SLC11A2: variants seen among roughly 807,000 people sequenced by gnomAD.
SLC11A2 encodes solute carrier family 11 member 2, also known as natural resistance-associated macrophage protein 2.
Under a neutral mutation model 68.0 loss-of-function variants are expected in SLC11A2, and 38 were observed. The observed-to-expected ratio is 0.56, with a 90% CI of 0.43 to 0.73. The LOEUF is 0.73. SLC11A2 is among the 30% of genes least tolerant of loss of function. The pLI is 0.00. For synonymous variants in SLC11A2, 242 were observed against 250.6 expected, an observed-to-expected ratio of 0.97 and a Z score of 0.32; for missense variants, 517 against 690.5, an observed-to-expected ratio of 0.75 and a Z score of 2.82.
At chr12:51,020,104 A>G (rs548541563) in intron 1 of SLC11A2, among the ~76,000 whole-genome samples, 19 of 151,710 alleles carry the variant, frequency 1.3e-4, no homozygotes, top group South Asian at 2.1e-4. Flanking sequence ...AATTATTTAC[A>G]TATTTCTAGC....
chr12:50,962,423 G>A, the SLC11A2 span, among the ~76,000 whole-genome samples: 1 of 151,348 alleles, frequency 6.6e-6, no homozygotes, highest in African/African-American at 2.4e-5. Flanking sequence ...AAAAAAGCCA[G>A]GCACGGTGGC....
intron 1 of SLC11A2, among the ~76,000 whole-genome samples, chr12:51,022,737 T>C (rs224572): frequency 0.45 from 68,975 of 152,052 alleles, 16,963 homozygotes; most frequent in Non-Finnish European, 0.56. Context: ...TTCTGCTCTT[T>C]GAAACCTGGT....
chr12:50,965,371 C>A, the SLC11A2 span, among the ~76,000 whole-genome samples: 1 of 151,748 alleles, frequency 6.6e-6, no homozygotes, highest in South Asian at 2.1e-4. Flanking sequence ...AATCCTCCCA[C>A]CTCAGCCTCC....
At chr12:50,999,882 C>G (rs1452693550) in intron 6 of SLC11A2, among the ~76,000 whole-genome samples, 1 of 152,030 alleles carries the variant, frequency 6.6e-6, no homozygotes, top group African/African-American at 2.4e-5. Flanking sequence ...GTGGCAGGTG[C>G]CTGTAATCCC....
At chr12:51,008,741 G>A in intron 2 of SLC11A2, 117 bp from the exon 3 acceptor site, 2 of 752,524 alleles carry the variant, frequency 2.7e-6, no homozygotes, top group South Asian at 1.5e-5. Flanking sequence ...AGACCAACCT[G>A]ACTCTAGCTC....
downstream of SLC11A2, chr12:50,985,966 G>T (rs1447912073): frequency 4.8e-5 from 55 of 1,140,836 alleles, no homozygotes; most frequent in Non-Finnish European, 5.9e-5. Context: ...TTATTTCAAG[G>T]TTAAAAAAAT....
At chr12:50,964,063 C>T in the SLC11A2 span, among the ~76,000 whole-genome samples, 1 of 152,108 alleles carries the variant, frequency 6.6e-6, no homozygotes, top group Non-Finnish European at 1.5e-5. Context: ...CTTTGATATC[C>T]TATGACTTAA....
intron 11 of SLC11A2, among the ~76,000 whole-genome samples, chr12:50,994,005 A>G (rs1941453561): frequency 6.6e-6 from 1 of 150,532 alleles, no homozygotes; most frequent in African/African-American, 2.4e-5. Context: ...AAAAAAAAAA[A>G]AAAAAAAAAA....
downstream of SLC11A2, chr12:50,979,935 T>C (rs1337374892): frequency 4.4e-6 from 2 of 453,972 alleles, no homozygotes; most frequent in Non-Finnish European, 8.8e-6. Flanking sequence ...TAGAAAGAAA[T>C]GAGGAGTGAG....
intron 1 of SLC11A2, among the ~76,000 whole-genome samples, chr12:51,015,938 C>A (rs544102500): frequency 2.0e-5 from 3 of 152,296 alleles, no homozygotes; most frequent in East Asian, 3.9e-4. Flanking sequence ...GCGCATGCCA[C>A]CATGCCCGGC....
chr12:50,976,083 T>C (rs993367255), downstream of SLC11A2, among the ~76,000 whole-genome samples: 9 of 152,178 alleles, frequency 5.9e-5, no homozygotes, highest in Non-Finnish European at 4.4e-5. Context: ...GCTGGTACCA[T>C]TCCTTCTGAA....
At chr12:51,022,126 T>C (rs1288084016) in intron 1 of SLC11A2, among the ~76,000 whole-genome samples, 2 of 152,196 alleles carry the variant, frequency 1.3e-5, no homozygotes, top group Non-Finnish European at 2.9e-5. Flanking sequence ...CTGTGTGAGC[T>C]TCCTCTAAAC....
At chr12:50,968,714 G>A in the SLC11A2 span, among the ~76,000 whole-genome samples, 1 of 151,876 alleles carries the variant, frequency 6.6e-6, no homozygotes, top group Non-Finnish European at 1.5e-5. Context: ...GCTAATTTTT[G>A]TATTTTTAGT....
Position 50,994,135 on chromosome 12 carries a change from G to A in SLC11A2, c.1077+409C>T, listed in dbSNP as rs552519486. 2.0e-5 allele frequency among the ~76,000 whole-genome samples: 3 copies of A among 151,858 alleles called. No individual in the cohort carries two copies. In the South Asian group the frequency reaches 6.3e-4, roughly 32 times the overall value. ...GGCTCACTGCAACCTCTGCCTTCCA[G>A]GTTCAAGCGATTCTCGTGTCTCAGC... On this transcript the variant is annotated intron_variant, in intron 11 of 15. Coordinates refer to ENST00000262052, the MANE Select transcript of SLC11A2 (RefSeq NM_000617.3).
At chr12:50,964,280 A>G in the SLC11A2 span, among the ~76,000 whole-genome samples, 1 of 152,208 alleles carries the variant, frequency 6.6e-6, no homozygotes, top group African/African-American at 2.4e-5. Flanking sequence ...CATCCACTAC[A>G]CATTTCATAT....
intron 1 of SLC11A2, among the ~76,000 whole-genome samples, chr12:51,025,246 G>T (rs1244506732): frequency 6.6e-6 from 1 of 152,186 alleles, no homozygotes; most frequent in Admixed American, 6.5e-5. Context: ...GAATTCTTTA[G>T]AAGTGTTAAG....
At chr12:51,006,459 A>T (rs1018527236) in intron 3 of SLC11A2, among the ~76,000 whole-genome samples, 5 of 152,180 alleles carry the variant, frequency 3.3e-5, no homozygotes, top group Non-Finnish European at 7.3e-5. Context: ...TTACTCCAAG[A>T]TATATTTCTT....
rs749794949 is a variant in SLC11A2, at chr12:50,988,318, T to G, written c.*7A>C. On this transcript the variant is annotated 3_prime_UTR_variant, in exon 16 of 16. Transcript: ENST00000262052. Reference sequence around the variant, plus strand: ...TGGCTACCTGCAGAAGACAGACTAATCCAGTGTTATTTAACGTAGCCACGG... The same window carrying G: ...TGGCTACCTGCAGAAGACAGACTAAGCCAGTGTTATTTAACGTAGCCACGG... The G allele has an allele frequency of 6.2e-7, 1 of 1,613,926 alleles. No homozygotes were observed. The highest frequency in any genetic ancestry group is 1.1e-5 in the South Asian group (1 of 91,082).
chr12:50,988,531 G>A, intron 15 of SLC11A2, 96 bp from the exon 16 acceptor site: 4 of 1,569,880 alleles, frequency 2.5e-6, no homozygotes, highest in Non-Finnish European at 3.4e-6. Context: ...TCCCTTCCTT[G>A]AACATCCAGC....
Sources: gnomAD v4.1 joint callset for allele counts (sites outside exome capture counted in the v4.1 genomes callset) on GRCh38, gnomAD v4.1.1 for gene constraint, MANE v1.5 for transcripts, NCBI Gene and HGNC (gene_info 2026-07-23, HGNC 2026-07-21) for gene names.